Variants in AMZ1 observed in about 807,000 individuals in gnomAD.
The protein encoded by AMZ1 is archaemetzincin-1.
In AMZ1, 39 loss-of-function variants were observed where a neutral mutation model predicts 29.9. That is an observed-to-expected ratio of 1.30 (90% CI 1.01 to 1.70). The LOEUF (loss-of-function observed/expected upper bound fraction) is 1.70, where lower values mean the gene tolerates loss of function less well. Ranked by LOEUF, AMZ1 falls within the 40% of genes most tolerant of loss-of-function variation. AMZ1 has a pLI of 0.00. For synonymous variants in AMZ1, 458 were observed against 304.0 expected, an observed-to-expected ratio of 1.51 and a Z score of -5.27; for missense variants, 1,041 against 680.6, an observed-to-expected ratio of 1.53 and a Z score of -5.89.
chr7:2,688,390 C>T (rs1459508936), intron 1 of AMZ1, 94 bp downstream of exon 1: 1 of 151,852 alleles, frequency 6.6e-6, no homozygotes. Context: ...GGGTCCAGCC[C>T]GGCCCGCGCA....
At chr7:2,696,257 ATT>A (rs527280174) in intron 1 of AMZ1, among the ~76,000 whole-genome samples, 12 of 122,030 alleles carry the variant, frequency 9.8e-5, no homozygotes, top group Admixed American at 2.7e-4. Context: ...CTTGATAGTC[ATT>A]TTTTTTTTTT....
At chr7:2,686,432 G>A (rs140034207), upstream of AMZ1, among the ~76,000 whole-genome samples, 4 of 152,188 alleles carry the variant, frequency 2.6e-5, no homozygotes, top group African/African-American at 9.7e-5. Context: ...TACTCAGGAG[G>A]CTGAGGGAGG....
At chr7:2,682,311 C>T (rs1446956432) in intron 1 of AMZ1, among the ~76,000 whole-genome samples, 2 of 152,098 alleles carry the variant, frequency 1.3e-5, no homozygotes, top group African/African-American at 2.4e-5. Flanking sequence ...AACTGCAGCT[C>T]CAGGAGTCAG....
At chr7:2,682,827 G>C (rs1398785438) in intron 1 of AMZ1, among the ~76,000 whole-genome samples, 2 of 150,196 alleles carry the variant, frequency 1.3e-5, no homozygotes, top group Non-Finnish European at 2.9e-5. Flanking sequence ...TCTTTGCCCA[G>C]ATCCCTGCAG....
intron 1 of AMZ1, among the ~76,000 whole-genome samples, chr7:2,680,015 G>A (rs1227595810): frequency 6.6e-6 from 1 of 152,224 alleles, no homozygotes; most frequent in Non-Finnish European, 1.5e-5. Context: ...GCTCACAGCT[G>A]GCGGTAGTGA....
rs1321506987 is a variant in AMZ1 at position 2,718,909 on chromosome 7, G to A, written c.*6031G>A. ...GAGGCAGAGAACACGCTTTTCTCAG[G>A]GTCGCTTAACACAGGCAGGGGTACA... is the stretch of plus-strand genomic sequence containing the variant. On this transcript the variant is annotated 3_prime_UTR_variant, in exon 7 of 7. Transcript: ENST00000683327. Among the ~76,000 whole-genome samples the A allele has an allele frequency of 3.9e-5, 6 of 152,188 alleles. No homozygotes were observed. The highest frequency in any genetic ancestry group is 8.8e-5 in the Non-Finnish European group (6 of 68,026).
chr7:2,708,030 C>A (rs1164428512), intron 3 of AMZ1, among the ~76,000 whole-genome samples: 1 of 151,820 alleles, frequency 6.6e-6, no homozygotes, highest in South Asian at 2.1e-4. Context: ...GTCATGTTGG[C>A]CAGGCTGGTC....
rs1161172822 is a variant in AMZ1 at position 2,716,822 on chromosome 7, A to AC, written c.*3946dup. ...TACATCATCATCGAGTCTCGAAATGACCTGTAAGGCAGATGGCTGCATCCC... is the reference window on the plus strand; with the variant it reads ...TACATCATCATCGAGTCTCGAAATGACCCTGTAAGGCAGATGGCTGCATCCC... On this transcript the variant is annotated 3_prime_UTR_variant, in exon 7 of 7. Coordinates refer to ENST00000683327, the MANE Select transcript of AMZ1 (RefSeq NM_001384743.1). 6.6e-6 allele frequency among the ~76,000 whole-genome samples: 1 copy of AC among 152,118 alleles called. No individual in the cohort carries two copies. Among genetic ancestry groups the AC allele is most frequent in the Non-Finnish European group, 1.5e-5 (1 of 68,016 alleles).
chr7:2,696,173 G>T (rs1221953705), intron 1 of AMZ1, among the ~76,000 whole-genome samples: 1 of 151,808 alleles, frequency 6.6e-6, no homozygotes, highest in Non-Finnish European at 1.5e-5. Flanking sequence ...TGAAAATGGG[G>T]ACAAAAACTG....
intron 4 of AMZ1, among the ~76,000 whole-genome samples, chr7:2,755,321 T>A (rs1300683560): frequency 1.3e-5 from 2 of 152,264 alleles, no homozygotes; most frequent in Non-Finnish European, 2.9e-5. Context: ...ACAGGAATTG[T>A]GTCAAATCTG....
rs774700519 is a variant in AMZ1 at position 2,731,582 on chromosome 7, G to A, written n.550+21766G>A. On this transcript the variant is annotated intron_variant and non_coding_transcript_variant, in intron 4 of 4. Coordinates refer to the AMZ1 transcript ENST00000489665. This position sits in a 1 kb window ranked among gnomAD's most constrained non-coding sequence, Gnocchi z 6.0. ...TACTCGCTGGAGGAGACCATGAACA[G>A]GATGGACGTGATCCCGTCGAAGCAC... is the stretch of plus-strand genomic sequence containing the variant. 6.2e-7 allele frequency: 1 copy of A among 1,613,698 alleles called. No individual in the cohort carries two copies.
chr7:2,762,486 G>A (rs191128931), upstream of AMZ1: 365 of 741,324 alleles, frequency 4.9e-4, no homozygotes, highest in East Asian at 9.2e-3. Flanking sequence ...CGTGTGCGGG[G>A]CCTGAGGTGT....
downstream of AMZ1, among the ~76,000 whole-genome samples, chr7:2,722,322 G>C (rs992181918): frequency 6.6e-6 from 1 of 151,910 alleles, no homozygotes; most frequent in African/African-American, 2.4e-5. Context: ...GCCTGGGCTG[G>C]AGTGCAGTGG....
chr7:2,757,129 C>CTTTTTTTTT lies in AMZ1; in HGVS notation n.551-7567_551-7559dup, dbSNP rs71026549. Among the ~76,000 whole-genome samples the CTTTTTTTTT allele has an allele frequency of 1.2e-3, 116 of 93,980 alleles. 2 individuals carry two copies. Among genetic ancestry groups the CTTTTTTTTT allele is most frequent in the African/African-American group, 4.1e-3 (94 of 23,000 alleles). 61.7% of individuals were successfully genotyped at this position (93,980 alleles called of 152,430 possible). A position where few individuals can be genotyped will look rare whatever the true frequency, so the allele number is the denominator to read the frequency against. ...GCAGGCCCGATCTAATCAGGTGGGCCTTTTTTTTTTTTTTTTTTTTTTTTG... is the reference window on the plus strand; with the variant it reads ...GCAGGCCCGATCTAATCAGGTGGGCCTTTTTTTTTTTTTTTTTTTTTTTTTTTTTTTTTG... On this transcript the variant is annotated intron_variant and non_coding_transcript_variant, in intron 4 of 4. Coordinates refer to the AMZ1 transcript ENST00000489665.
Position 2,715,682 on chromosome 7 carries a change from G to GAGAAATTGGTTT in AMZ1, c.*2805_*2816dup, listed in dbSNP as rs1789080286. Reference sequence around the variant, plus strand: ...TGTTTTGAAATGCAACTTTGAGGAAGAGAAATTGGTTTCCCTCCTCTCCCC... The same window carrying GAGAAATTGGTTT: ...TGTTTTGAAATGCAACTTTGAGGAAGAGAAATTGGTTTAGAAATTGGTTTCCCTCCTCTCCCC... On this transcript the variant is annotated 3_prime_UTR_variant, in exon 7 of 7. Transcript: ENST00000683327. The GAGAAATTGGTTT allele has an allele frequency of 8.8e-6, 1 of 113,866 alleles. No individual in the cohort carries two copies. Among genetic ancestry groups the GAGAAATTGGTTT allele is most frequent in the Non-Finnish European group, 2.0e-5 (1 of 50,586 alleles). The allele number at this position is 113,866 out of a possible 1,614,324, so 7.1% of individuals were successfully genotyped here.
Position 2,718,776 on chromosome 7 carries a change from G to C in AMZ1, c.*5898G>C, listed in dbSNP as rs773509762. ...GGAGAAGCGGGCAGGCCAGGGCCGA[G>C]CTGCGTCCGGCTCTCAGGGACTTCC... On this transcript the variant is annotated 3_prime_UTR_variant, in exon 7 of 7. Transcript: ENST00000683327. Among the ~76,000 whole-genome samples the C allele has an allele frequency of 1.1e-4, 16 of 152,220 alleles. No individual in the cohort carries two copies. The highest frequency in any genetic ancestry group is 2.1e-4 in the South Asian group (1 of 4,834).
chr7:2,691,760 G>A (rs1009957131), intron 1 of AMZ1, among the ~76,000 whole-genome samples: 2 of 147,468 alleles, frequency 1.4e-5, no homozygotes, highest in African/African-American at 5.1e-5. Flanking sequence ...AAGTGATTTT[G>A]GGGCTTTGCA....
chr7:2,751,699 A>G (rs1055662922), intron 4 of AMZ1, among the ~76,000 whole-genome samples: 2 of 152,268 alleles, frequency 1.3e-5, no homozygotes, highest in African/African-American at 4.8e-5. Context: ...AGCTCCGTCA[A>G]ACATTGACAG....
chr7:2,697,790 A>T (rs1055185292), intron 1 of AMZ1, among the ~76,000 whole-genome samples: 20 of 152,212 alleles, frequency 1.3e-4, no homozygotes, highest in Admixed American at 1.2e-3. Context: ...AAGCAAAAAG[A>T]TACAGGATTA....
Sources: allele counts gnomAD v4.1 joint callset (sites outside exome capture counted in the v4.1 genomes callset), GRCh38; gene constraint gnomAD v4.1.1; non-coding constraint Gnocchi (gnomAD v3.1); transcripts MANE v1.5; gene names NCBI Gene and HGNC (gene_info 2026-07-23, HGNC 2026-07-21).